The following C1QTNF3 variants were observed in gnomAD, a reference collection of about 807,000 sequenced individuals.
C1QTNF3 encodes complement C1q tumor necrosis factor-related protein 3.
Under a neutral mutation model 32.6 loss-of-function variants are expected in C1QTNF3, and 26 were observed. The observed-to-expected ratio is 0.80, with a 90% CI of 0.58 to 1.11. The LOEUF (loss-of-function observed/expected upper bound fraction) is 1.11, where lower values mean the gene tolerates loss of function less well. C1QTNF3 is among the 50% of genes least tolerant of loss of function. The pLI is 0.00. For missense variants in C1QTNF3, 362 were observed against 398.2 expected, an observed-to-expected ratio of 0.91 and a Z score of 0.77; for synonymous variants, 155 against 146.0, an observed-to-expected ratio of 1.06 and a Z score of -0.44.
Position 34,028,790 on chromosome 5 carries a change from C to A in C1QTNF3, c.664G>T (p.Asp222Tyr). ...GCCCCAAATCTACCAGTCATGACAT[C>A]AAAGAAGTTTCCAATGTTGGTCTCA... ...SVETNIGNFF[D>Y]VMTGRFGAPV... The change falls in exon 4 of 6, where the codon GAT becomes TAT. Residue 222 changes from aspartate to tyrosine, a missense_variant. Asp to Tyr is a radical substitution (Grantham distance 160, BLOSUM62 -3). Coordinates refer to ENST00000382065, the MANE Select transcript of C1QTNF3 (RefSeq NM_181435.6). The A allele has an allele frequency of 6.2e-7, 1 of 1,611,812 alleles. No homozygotes were observed. Among genetic ancestry groups the A allele is most frequent in the Non-Finnish European group, 8.5e-7 (1 of 1,178,838 alleles).
chr5:34,141,065 G>T, the C1QTNF3 span, among the ~76,000 whole-genome samples: 1 of 152,096 alleles, frequency 6.6e-6, no homozygotes, highest in Non-Finnish European at 1.5e-5. Flanking sequence ...GAAATTTATT[G>T]TCTTTTAGTT....
At chr5:34,170,295 A>C in the C1QTNF3 span, among the ~76,000 whole-genome samples, 3 of 152,120 alleles carry the variant, frequency 2.0e-5, no homozygotes, top group African/African-American at 7.2e-5. Context: ...GGGTAATGGG[A>C]AGTTTTTCAA....
At chr5:34,044,319 C>T (rs1232296049), upstream of C1QTNF3, among the ~76,000 whole-genome samples, 2 of 152,176 alleles carry the variant, frequency 1.3e-5, no homozygotes, top group Admixed American at 1.3e-4. Context: ...ATTACTCATT[C>T]ACTCGCTTAA....
At chr5:34,130,027 T>C in the C1QTNF3 span, among the ~76,000 whole-genome samples, 1 of 152,138 alleles carries the variant, frequency 6.6e-6, no homozygotes, top group Non-Finnish European at 1.5e-5. Flanking sequence ...GAAATTTTTA[T>C]TTTCCTCCAA....
the C1QTNF3 span, among the ~76,000 whole-genome samples, chr5:34,068,670 T>C: frequency 6.6e-6 from 1 of 152,184 alleles, no homozygotes; most frequent in African/African-American, 2.4e-5. Context: ...AGTAATAGTA[T>C]GACCATGTTG....
chr5:34,044,142 G>A (rs745454975), upstream of C1QTNF3, among the ~76,000 whole-genome samples: 11 of 152,106 alleles, frequency 7.2e-5, no homozygotes, highest in Admixed American at 1.3e-4. Flanking sequence ...CAAACACAGC[G>A]TATCCAGATT....
Position 34,018,807 on chromosome 5 carries a change from G to C in C1QTNF3, c.*1776C>G, listed in dbSNP as rs2112089724. 1.3e-5 allele frequency among the ~76,000 whole-genome samples: 2 copies of C among 152,292 alleles called. 1 individual carries two copies. Among genetic ancestry groups the C allele is most frequent in the Non-Finnish European group, 2.9e-5 (2 of 68,026 alleles). ...CCCTGAAGCAAGCAGAAACTCAAGT[G>C]CTTCGTTTGCAGAGTTGTTTTAAGA... On this transcript the variant is annotated 3_prime_UTR_variant, in exon 6 of 6. Transcript: ENST00000382065.
At chr5:34,069,882 T>C in the C1QTNF3 span, among the ~76,000 whole-genome samples, 2 of 152,182 alleles carry the variant, frequency 1.3e-5, no homozygotes, top group African/African-American at 4.8e-5. Flanking sequence ...TAGAGTCACA[T>C]AGAACAGAGG....
At chr5:34,223,190 C>T in the C1QTNF3 span, among the ~76,000 whole-genome samples, 5 of 123,658 alleles carry the variant, frequency 4.0e-5, 1 homozygote, top group South Asian at 1.4e-3. Context: ...CCATAACAGT[C>T]CCCAGCGTGT....
At chr5:34,145,030 GAGGCAGGAAA>G in the C1QTNF3 span, among the ~76,000 whole-genome samples, 11 of 152,316 alleles carry the variant, frequency 7.2e-5, no homozygotes, top group East Asian at 1.5e-3. Flanking sequence ...TCGGGAGGCT[GAGGCAGGAAA>G]ATTGCTTGAA....
the C1QTNF3 span, among the ~76,000 whole-genome samples, chr5:34,091,301 T>C: frequency 4.6e-5 from 7 of 152,256 alleles, no homozygotes; most frequent in African/African-American, 1.7e-4. Context: ...AGCTTCGAGC[T>C]CTTCTAGATA....
the C1QTNF3 span, among the ~76,000 whole-genome samples, chr5:34,175,257 C>G: frequency 3.2e-3 from 488 of 151,806 alleles, 3 homozygotes; most frequent in African/African-American, 0.011. Context: ...GCTGAACAGG[C>G]TGGTCTCGAA....
At chr5:34,242,622 T>C in the C1QTNF3 span, among the ~76,000 whole-genome samples, 2 of 152,026 alleles carry the variant, frequency 1.3e-5, no homozygotes, top group African/African-American at 2.4e-5. Context: ...TTGGCTAAGT[T>C]TCTAAAAACA....
At chr5:34,229,867 A>G in the C1QTNF3 span, among the ~76,000 whole-genome samples, 5 of 152,148 alleles carry the variant, frequency 3.3e-5, no homozygotes, top group East Asian at 1.9e-4. Context: ...AGATAATGTC[A>G]TAAGTGTGGT....
At chr5:34,203,617 C>CG in the C1QTNF3 span, among the ~76,000 whole-genome samples, 6 of 150,926 alleles carry the variant, frequency 4.0e-5, no homozygotes, top group African/African-American at 1.5e-4. Context: ...ACCTGCAAGA[C>CG]GGAGTTTGCA....
the C1QTNF3 span, chr5:34,176,077 A>C: frequency 1.7e-6 from 1 of 572,050 alleles, no homozygotes; most frequent in East Asian, 2.9e-5. Context: ...TAGTGACTGC[A>C]GGACTCACTG....
At chr5:34,209,207 C>T in the C1QTNF3 span, among the ~76,000 whole-genome samples, 1 of 151,978 alleles carries the variant, frequency 6.6e-6, no homozygotes, top group Non-Finnish European at 1.5e-5. Flanking sequence ...TGAGAATAGC[C>T]TGGTGGCCTT....
chr5:34,174,143 C>T, the C1QTNF3 span, among the ~76,000 whole-genome samples: 2 of 152,204 alleles, frequency 1.3e-5, no homozygotes, highest in Non-Finnish European at 1.5e-5. Flanking sequence ...CTGCAGCCTC[C>T]GCCTCCGAGG....
the C1QTNF3 span, among the ~76,000 whole-genome samples, chr5:34,100,295 C>A: frequency 3.3e-5 from 5 of 151,892 alleles, no homozygotes; most frequent in Non-Finnish European, 7.4e-5. Flanking sequence ...ACGACCCAAT[C>A]ACCTCTTAAA....
Sources: allele counts gnomAD v4.1 joint callset (sites outside exome capture counted in the v4.1 genomes callset), GRCh38; gene constraint gnomAD v4.1.1; transcripts MANE v1.5; gene names NCBI Gene and HGNC (gene_info 2026-07-23, HGNC 2026-07-21).